The following UBE3A variants were observed in gnomAD, a reference collection of about 807,000 sequenced individuals.
The protein encoded by UBE3A is ubiquitin-protein ligase E3A.
In UBE3A, 6 loss-of-function variants were observed where a neutral mutation model predicts 83.4. The observed-to-expected ratio is 0.07, with a 90% CI of 0.04 to 0.14. UBE3A has a LOEUF of 0.14. Ranked by LOEUF, UBE3A falls within the 10% of genes least tolerant of loss-of-function variation. The probability of loss-of-function intolerance (pLI) is 1.00; values close to 1 mark genes in which losing one functional copy is unlikely to be tolerated. For missense variants in UBE3A, 456 were observed against 1,036.1 expected, an observed-to-expected ratio of 0.44 and a Z score of 7.69; for synonymous variants, 337 against 355.4, an observed-to-expected ratio of 0.95 and a Z score of 0.58.
intron 4 of UBE3A, among the ~76,000 whole-genome samples, chr15:25,402,749 A>C (rs2087481621): frequency 1.3e-5 from 2 of 152,224 alleles, no homozygotes; most frequent in Admixed American, 6.5e-5. Context: ...TGACACAAGT[A>C]ATGTAAAACT....
At position 25,336,022 on chromosome 15, in the gene UBE3A, A is replaced by AT. The variant is rs1566800485; in HGVS notation, c.*3114dup. 2.6e-5 allele frequency: 4 copies of AT among 152,158 alleles called. No homozygotes were observed. Among genetic ancestry groups the AT allele is most frequent in the African/African-American group, 4.8e-5 (2 of 41,420 alleles). 9.4% of individuals were successfully genotyped at this position (152,158 alleles called of 1,614,324 possible). A position where few individuals can be genotyped will look rare whatever the true frequency, so the allele number is the denominator to read the frequency against. ...CATGCATTAGTAGCCTTTCACAGTG[A>AT]TATCTACCCCACACCTGCATCAAAA... is the stretch of plus-strand genomic sequence containing the variant. On this transcript the variant is annotated 3_prime_UTR_variant, in exon 13 of 13. Transcript: ENST00000648336.
intron 4 of UBE3A, among the ~76,000 whole-genome samples, chr15:25,398,258 T>C (rs2086072314): frequency 6.6e-6 from 1 of 151,582 alleles, no homozygotes; most frequent in Non-Finnish European, 1.5e-5. Context: ...ATGTATACAC[T>C]GTGGAATGGC....
intron 4 of UBE3A, among the ~76,000 whole-genome samples, chr15:25,378,422 G>A (rs138710474): frequency 0.011 from 1,614 of 152,208 alleles, 25 homozygotes; most frequent in Middle Eastern, 0.034. Context: ...TAATTTTAAA[G>A]TTATTTTATG....
chr15:25,434,692 T>C (rs777210070), intron 1 of UBE3A, among the ~76,000 whole-genome samples: 5 of 152,102 alleles, frequency 3.3e-5, no homozygotes, highest in Admixed American at 2.6e-4. Flanking sequence ...TCCCAAAAGG[T>C]AGGACAGAAC....
At chr15:25,382,723 A>G (rs908038582) in intron 4 of UBE3A, among the ~76,000 whole-genome samples, 6 of 152,196 alleles carry the variant, frequency 3.9e-5, no homozygotes, top group African/African-American at 1.4e-4. Flanking sequence ...TAAGAAATGA[A>G]GAGAATAGAC....
In UBE3A at chr15:25,337,479, A is replaced by G. The variant is rs1445686654; in HGVS notation, c.*1658T>C. 1 of 152,084 alleles carries G rather than the reference A, an allele frequency of 6.6e-6. No individual in the cohort carries two copies. Among genetic ancestry groups the G allele is most frequent in the South Asian group, 2.1e-4 (1 of 4,836 alleles). 9.4% of individuals were successfully genotyped at this position (152,084 alleles called of 1,614,324 possible). A position where few individuals can be genotyped will look rare whatever the true frequency, so the allele number is the denominator to read the frequency against. On this transcript the variant is annotated 3_prime_UTR_variant, in exon 13 of 13. Transcript: ENST00000648336. ...AAGCATTGTCTTCTTTTTCCACTAA[A>G]TTAAATTATGGTGAAAAGTGCCACA...
At chr15:25,348,042 T>TA (rs1007890528) in intron 11 of UBE3A, among the ~76,000 whole-genome samples, 50 of 150,676 alleles carry the variant, frequency 3.3e-4, no homozygotes, top group South Asian at 4.2e-4. Flanking sequence ...AACATTAATT[T>TA]AAAAAAAAAC....
chr15:25,396,520 G>A (rs1233380614), intron 4 of UBE3A, among the ~76,000 whole-genome samples: 1 of 152,174 alleles, frequency 6.6e-6, no homozygotes. Context: ...CTACTCAGGA[G>A]GCTGAGGCAT....
intron 4 of UBE3A, among the ~76,000 whole-genome samples, chr15:25,386,351 A>G (rs2083131381): frequency 6.6e-6 from 1 of 152,222 alleles, no homozygotes; most frequent in Non-Finnish European, 1.5e-5. Flanking sequence ...AATAAAAGGT[A>G]AAAAACAAGC....
rs182387648 is a variant in UBE3A at position 25,414,975 on chromosome 15, G to T, written c.-164-3004C>A. Among the ~76,000 whole-genome samples, 4 of 152,240 alleles carry T rather than the reference G, an allele frequency of 2.6e-5. No homozygotes were observed. The East Asian group carries it at 7.7e-4, about 29-fold the overall frequency. ...TATAGAATAAGCATCTTACAAAAGAGAAAATTTTTCTCTTAGGGAACTAGC... is the reference window on the plus strand; with the variant it reads ...TATAGAATAAGCATCTTACAAAAGATAAAATTTTTCTCTTAGGGAACTAGC... On this transcript the variant is annotated intron_variant, in intron 1 of 12. Coordinates refer to ENST00000648336, the MANE Select transcript of UBE3A (RefSeq NM_130839.5).
intron 1 of UBE3A, among the ~76,000 whole-genome samples, chr15:25,435,440 T>C (rs1894788228): frequency 6.6e-6 from 1 of 152,208 alleles, no homozygotes; most frequent in Admixed American, 6.5e-5. Context: ...GTGGTCTGAA[T>C]GTGTCCCCCA....
intron 6 of UBE3A, among the ~76,000 whole-genome samples, chr15:25,363,601 T>C (rs1026401710): frequency 2.0e-5 from 3 of 152,190 alleles, no homozygotes; most frequent in Admixed American, 1.3e-4. Context: ...GGAACAGAGA[T>C]ACTAATCCAG....
At chr15:25,422,071 G>T (rs1357743921) in intron 1 of UBE3A, 1 of 152,142 alleles carries the variant, frequency 6.6e-6, no homozygotes, top group African/African-American at 2.4e-5. Context: ...GAAAATGAAT[G>T]AACTGTGGTA....
chr15:25,352,947 A>G (rs576305966), intron 11 of UBE3A, among the ~76,000 whole-genome samples: 7 of 152,348 alleles, frequency 4.6e-5, no homozygotes, highest in Admixed American at 2.6e-4. Flanking sequence ...ATAAAAAGCT[A>G]GAAGTAAAAT....
At chr15:25,394,660 A>G (rs1305283619) in intron 4 of UBE3A, among the ~76,000 whole-genome samples, 1 of 152,216 alleles carries the variant, frequency 6.6e-6, no homozygotes, top group East Asian at 1.9e-4. Flanking sequence ...CACTTGCTAC[A>G]TGGTAAATGC....
rs1595360682 is a variant in UBE3A, at chr15:25,339,099, TCC to T, written c.*36_*37del. ...ATTTTTTAAATTTTTTCTTTTTTTT[TCC>T]TTCCTTTTTTTTGTTTTATTTTGTT... On this transcript the variant is annotated 3_prime_UTR_variant, in exon 13 of 13. Coordinates refer to ENST00000648336, the MANE Select transcript of UBE3A (RefSeq NM_130839.5). 3 of 1,490,654 alleles carry T rather than the reference TCC, an allele frequency of 2.0e-6. No homozygotes were observed. The highest frequency in any genetic ancestry group is 2.7e-5 in the Admixed American group (1 of 37,312). 92.3% of individuals were successfully genotyped at this position (1,490,654 alleles called of 1,614,324 possible). A position where few individuals can be genotyped will look rare whatever the true frequency, so the allele number is the denominator to read the frequency against.
Position 25,419,473 on chromosome 15 carries a change from A to C in UBE3A, c.-164-7502T>G, listed in dbSNP as rs527439089. ...ACATTTCCATACAAACAAAAGCTGA[A>C]AGATTTTGTAGCCAGTAGACCTATA... On this transcript the variant is annotated intron_variant, in intron 1 of 12. Transcript: ENST00000648336. 2.5e-3 allele frequency: 385 copies of C among 152,256 alleles called. 3 individuals carry two copies. Among genetic ancestry groups the C allele is most frequent in the African/African-American group, 8.8e-3 (367 of 41,568 alleles). The allele number at this position is 152,256 out of a possible 1,614,324, so 9.4% of individuals were successfully genotyped here.
chr15:25,407,497 C>T (rs2088914146), intron 3 of UBE3A: 1 of 155,594 alleles, frequency 6.4e-6, no homozygotes, highest in Non-Finnish European at 1.4e-5. Flanking sequence ...AATACATTAT[C>T]AAATGATAAC....
At chr15:25,379,808 T>C (rs2081880536) in intron 4 of UBE3A, among the ~76,000 whole-genome samples, 2 of 152,214 alleles carry the variant, frequency 1.3e-5, no homozygotes, top group Admixed American at 1.3e-4. Context: ...TAGAATATTT[T>C]ACATTTTTAA....
Sources: gnomAD v4.1 joint callset for allele counts (sites outside exome capture counted in the v4.1 genomes callset) on GRCh38, gnomAD v4.1.1 for gene constraint, MANE v1.5 for transcripts, NCBI Gene and HGNC (gene_info 2026-07-23, HGNC 2026-07-21) for gene names.